The following GLYATL2 variants were observed in gnomAD, a reference collection of about 807,000 sequenced individuals.
GLYATL2 encodes glycine N-acyltransferase-like protein 2.
A neutral mutation model predicts 21.4 loss-of-function variants in GLYATL2; 25 were observed. The observed-to-expected ratio is 1.17, with a 90% CI of 0.85 to 1.63. The LOEUF (loss-of-function observed/expected upper bound fraction) is 1.63, where lower values mean the gene tolerates loss of function less well. GLYATL2 is among the 40% of genes most tolerant of loss of function. The pLI is 0.00. For missense variants in GLYATL2, 361 were observed against 343.3 expected (o/e 1.05, Z -0.41); for synonymous variants, 114 against 118.2 (o/e 0.96, Z 0.23).
chr11:58,893,023 C>A, intron 1 of GLYATL2: 1 of 342,074 alleles, frequency 2.9e-6, no homozygotes, highest in South Asian at 1.1e-4. Flanking sequence ...CCTGGGATCT[C>A]TTCTTTTTGT....
chr11:58,878,273 G>T, intron 1 of GLYATL2: 1 of 436,558 alleles, frequency 2.3e-6, no homozygotes, highest in Non-Finnish European at 4.2e-6. Flanking sequence ...GCCAGAAGCA[G>T]GATCTGAAGT....
intron 1 of GLYATL2, among the ~76,000 whole-genome samples, chr11:58,870,843 C>A (rs1854105057): frequency 6.6e-6 from 1 of 152,190 alleles, no homozygotes; most frequent in Admixed American, 6.5e-5. Context: ...AAGCTGTCCT[C>A]TTTACAAGCA....
upstream of GLYATL2, among the ~76,000 whole-genome samples, chr11:58,849,596 G>A (rs1488168809): frequency 2.6e-5 from 4 of 152,194 alleles, no homozygotes; most frequent in African/African-American, 2.4e-5. Flanking sequence ...CAGCTTCACT[G>A]CTGAATTCTA....
chr11:58,846,225 C>G (rs1401121242), upstream of GLYATL2, among the ~76,000 whole-genome samples: 7 of 151,674 alleles, frequency 4.6e-5, no homozygotes, highest in Admixed American at 6.6e-5. Flanking sequence ...ATTTCTTGAG[C>G]CATTAAATTT....
At chr11:58,901,402 A>G (rs1172383586) in intron 1 of GLYATL2, among the ~76,000 whole-genome samples, 1 of 152,190 alleles carries the variant, frequency 6.6e-6, no homozygotes, top group Non-Finnish European at 1.5e-5. Context: ...GCTGCAGATT[A>G]CTGGGCCTCA....
chr11:58,885,567 G>C, intron 1 of GLYATL2: 2 of 405,392 alleles, frequency 4.9e-6, no homozygotes, highest in South Asian at 3.8e-5. Context: ...GGGACTAGTG[G>C]AGCCAGGCAG....
At chr11:58,872,035 T>G (rs1042386522) in intron 1 of GLYATL2, among the ~76,000 whole-genome samples, 2 of 152,368 alleles carry the variant, frequency 1.3e-5, no homozygotes, top group South Asian at 4.1e-4. Context: ...TGATGGCCAG[T>G]GATGATGAGC....
At chr11:58,902,892 C>T (rs1590759216) in intron 1 of GLYATL2, among the ~76,000 whole-genome samples, 1 of 152,290 alleles carries the variant, frequency 6.6e-6, no homozygotes, top group Non-Finnish European at 1.5e-5. Context: ...CAACAGATTC[C>T]CTGAGCATCC....
At chr11:58,844,125 A>G (rs1853601268) in intron 1 of GLYATL2, among the ~76,000 whole-genome samples, 1 of 152,128 alleles carries the variant, frequency 6.6e-6, no homozygotes. Flanking sequence ...TGCTAACAGT[A>G]TTACTATGGA....
intron 1 of GLYATL2, among the ~76,000 whole-genome samples, chr11:58,903,464 G>A (rs890440154): frequency 1.3e-5 from 2 of 152,092 alleles, no homozygotes; most frequent in African/African-American, 4.8e-5. Context: ...CCTGAGGTCA[G>A]GAGTTCGACC....
intron 1 of GLYATL2, among the ~76,000 whole-genome samples, chr11:58,856,694 C>A (rs1224982862): frequency 1.3e-5 from 2 of 152,062 alleles, no homozygotes; most frequent in African/African-American, 4.8e-5. Context: ...GTGAGGCAGT[C>A]AGAACACACA....
chr11:58,840,687 A>C (rs2134574700), intron 1 of GLYATL2: 1 of 151,892 alleles, frequency 6.6e-6, no homozygotes, highest in Non-Finnish European at 1.5e-5. Flanking sequence ...AAAATACAAA[A>C]AACTACCTGG....
chr11:58,870,900 A>T (rs1405525483), intron 1 of GLYATL2, among the ~76,000 whole-genome samples: 1 of 152,242 alleles, frequency 6.6e-6, no homozygotes, highest in Non-Finnish European at 1.5e-5. Flanking sequence ...GTCTCTGCTC[A>T]TAAGATATGC....
intron 1 of GLYATL2, among the ~76,000 whole-genome samples, chr11:58,877,237 A>G (rs570835): frequency 0.88 from 134,504 of 152,292 alleles, 60,627 homozygotes; most frequent in Non-Finnish European, 0.98. Context: ...TGTGCTTCCC[A>G]GGTGAGGCGA....
intron 1 of GLYATL2, among the ~76,000 whole-genome samples, chr11:58,880,082 T>A (rs1490719913): frequency 6.6e-6 from 1 of 152,098 alleles, no homozygotes; most frequent in African/African-American, 2.4e-5. Flanking sequence ...ATAGTCTCGA[T>A]CTCCTGACCT....
chr11:58,882,621 A>G (rs1854360730), intron 1 of GLYATL2, among the ~76,000 whole-genome samples: 1 of 152,080 alleles, frequency 6.6e-6, no homozygotes, highest in African/African-American at 2.4e-5. Flanking sequence ...TTTTGTTGCC[A>G]TTGCTTTTGG....
intron 1 of GLYATL2, among the ~76,000 whole-genome samples, chr11:58,880,075 G>C (rs988447867): frequency 6.6e-6 from 1 of 152,082 alleles, no homozygotes; most frequent in Admixed American, 6.5e-5. Flanking sequence ...AGCCAGGATA[G>C]TCTCGATCTC....
At chr11:58,840,155 A>G (rs1853519719) in intron 1 of GLYATL2, among the ~76,000 whole-genome samples, 1 of 152,144 alleles carries the variant, frequency 6.6e-6, no homozygotes, top group Non-Finnish European at 1.5e-5. Context: ...TTTTCTCCTA[A>G]GGAACAAAAC....
At chr11:58,880,569 A>G (rs1421713093) in intron 1 of GLYATL2, among the ~76,000 whole-genome samples, 2 of 152,206 alleles carry the variant, frequency 1.3e-5, no homozygotes, top group Admixed American at 1.3e-4. Context: ...ACAATAGTAA[A>G]ACACAAGTGT....
Sources: gnomAD v4.1 joint callset for allele counts (sites outside exome capture counted in the v4.1 genomes callset) on GRCh38, gnomAD v4.1.1 for gene constraint, MANE v1.5 for transcripts, NCBI Gene and HGNC (gene_info 2026-07-23, HGNC 2026-07-21) for gene names.